The following LRIF1 variants were observed in gnomAD, a reference collection of about 807,000 sequenced individuals.
The protein encoded by LRIF1 is ligand-dependent nuclear receptor-interacting factor 1.
A neutral mutation model predicts 52.7 loss-of-function variants in LRIF1; 32 were observed. The observed-to-expected ratio is 0.61, with a 90% CI of 0.46 to 0.82. LRIF1 has a LOEUF of 0.82. LRIF1 is among the 40% of genes least tolerant of loss of function. The pLI is 0.00. For synonymous variants in LRIF1, 323 were observed against 317.4 expected, an observed-to-expected ratio of 1.02 and a Z score of -0.19; for missense variants, 887 against 892.0, an observed-to-expected ratio of 0.99 and a Z score of 0.07.
chr1:110,951,852 C>T lies in LRIF1; in HGVS notation c.1032G>A (p.Gly344=). The change falls in exon 2 of 4, where the codon GGG becomes GGA. Residue 344 remains glycine (G), a synonymous_variant. Transcript: ENST00000369763. ...TAATAGGCATATTTTTGGATCGCGT[C>T]CCACTAGGATCGATGGTACTCAATG... ...MPPLSTIDPS[G]TRSKNMPIKD... The T allele has an allele frequency of 6.2e-7, 1 of 1,613,428 alleles. No individual in the cohort carries two copies. The highest frequency in any genetic ancestry group is 8.5e-7 in the Non-Finnish European group (1 of 1,180,018).
rs1320031465 is a variant in LRIF1 at position 110,949,833 on chromosome 1, T to C, written c.1869+18A>G. 5.0e-6 allele frequency: 8 copies of C among 1,608,284 alleles called. No individual in the cohort carries two copies. In the South Asian group the frequency reaches 8.9e-5, roughly 18 times the overall value. On this transcript the variant is annotated intron_variant, in intron 3 of 3. Transcript: ENST00000369763. ...ATTTGTAGTACCTATGAAGAGCACA[T>C]TAAAATGTATTACCTACCTGTTTTC... is the stretch of plus-strand genomic sequence containing the variant.
the LRIF1 span, among the ~76,000 whole-genome samples, chr1:110,890,223 C>G: frequency 0.64 from 96,986 of 151,914 alleles, 33,083 homozygotes; most frequent in Non-Finnish European, 0.77. Flanking sequence ...GTCCTGTGCA[C>G]GGTTTTAAAA....
At chr1:110,937,881 T>C in the LRIF1 span, 1 of 151,942 alleles carries the variant, frequency 6.6e-6, no homozygotes, top group South Asian at 2.1e-4. Context: ...AAAGGAGCAT[T>C]ACAACTGATA....
At chr1:110,896,339 C>T in the LRIF1 span, among the ~76,000 whole-genome samples, 1 of 152,178 alleles carries the variant, frequency 6.6e-6, no homozygotes, top group Non-Finnish European at 1.5e-5. Context: ...TTTCTGTGAT[C>T]TTAAGATTGG....
chr1:110,913,867 A>T, the LRIF1 span, among the ~76,000 whole-genome samples: 1 of 152,204 alleles, frequency 6.6e-6, no homozygotes, highest in Non-Finnish European at 1.5e-5. Flanking sequence ...CACTATTCAC[A>T]ATAGCAAAGA....
chr1:110,949,018 A>G (rs1658336632), intron 3 of LRIF1, among the ~76,000 whole-genome samples: 1 of 152,162 alleles, frequency 6.6e-6, no homozygotes, highest in South Asian at 2.1e-4. Flanking sequence ...ACATAATGGG[A>G]AAAAAATGTA....
At position 110,947,847 on chromosome 1, in the gene LRIF1, A is replaced by G. The variant is rs1658266689; in HGVS notation, c.*112T>C. The G allele has an allele frequency of 7.1e-7, 1 of 1,415,206 alleles. No homozygotes were observed. Among genetic ancestry groups the G allele is most frequent in the Non-Finnish European group, 9.4e-7 (1 of 1,068,606 alleles). The allele number at this position is 1,415,206 out of a possible 1,614,324, so 87.7% of individuals were successfully genotyped here. Reference sequence around the variant, plus strand: ...TTAAAGTTGTACAATCGACTGATGAAAAAACAAGCTTCATATTCAAAGACA... The same window carrying G: ...TTAAAGTTGTACAATCGACTGATGAGAAAACAAGCTTCATATTCAAAGACA... On this transcript the variant is annotated 3_prime_UTR_variant, in exon 4 of 4. Transcript: ENST00000369763.
the LRIF1 span, among the ~76,000 whole-genome samples, chr1:110,917,715 T>C: frequency 6.6e-6 from 1 of 151,496 alleles, no homozygotes; most frequent in Non-Finnish European, 1.5e-5. Flanking sequence ...CTGTATAGTA[T>C]GTTATAAAGT....
chr1:110,890,595 GAGAAA>G, the LRIF1 span, among the ~76,000 whole-genome samples: 432 of 151,848 alleles, frequency 2.8e-3, 2 homozygotes, highest in African/African-American at 0.01. Context: ...GAAAGAGAAA[GAGAAA>G]GGAAAGGAAA....
At chr1:110,910,744 G>A in the LRIF1 span, among the ~76,000 whole-genome samples, 8 of 152,278 alleles carry the variant, frequency 5.3e-5, no homozygotes, top group South Asian at 1.2e-3. Flanking sequence ...ACCTGCTCCT[G>A]ATGACTTTTG....
chr1:110,923,159 G>C, the LRIF1 span, among the ~76,000 whole-genome samples: 1 of 152,124 alleles, frequency 6.6e-6, no homozygotes, highest in South Asian at 2.1e-4. Flanking sequence ...AATTAGCCGG[G>C]TGTGGTGGTG....
chr1:110,920,615 G>A, the LRIF1 span, among the ~76,000 whole-genome samples: 1 of 152,132 alleles, frequency 6.6e-6, no homozygotes, highest in Non-Finnish European at 1.5e-5. Context: ...GTAGATACGT[G>A]TCATTATAAC....
the LRIF1 span, chr1:110,894,889 C>A: frequency 8.4e-7 from 1 of 1,184,396 alleles, no homozygotes; most frequent in Non-Finnish European, 1.3e-6. Flanking sequence ...CTAACCTATA[C>A]TGGAAATTCC....
the LRIF1 span, chr1:110,899,076 A>C: frequency 6.9e-7 from 1 of 1,457,196 alleles, no homozygotes; most frequent in Non-Finnish European, 9.6e-7. Flanking sequence ...TTGTGAAAGA[A>C]ATGGCTTTTC....
the LRIF1 span, among the ~76,000 whole-genome samples, chr1:110,916,810 T>G: frequency 1.3e-5 from 2 of 151,392 alleles, no homozygotes; most frequent in East Asian, 3.9e-4. Flanking sequence ...GCAAACAGCA[T>G]TTATAGAAAT....
chr1:110,890,686 C>G, the LRIF1 span, among the ~76,000 whole-genome samples: 1 of 152,324 alleles, frequency 6.6e-6, no homozygotes, highest in East Asian at 1.9e-4. Flanking sequence ...GATGTCCTCA[C>G]TAAGAAAATG....
chr1:110,891,710 C>T, the LRIF1 span, among the ~76,000 whole-genome samples: 3 of 152,290 alleles, frequency 2.0e-5, no homozygotes, highest in East Asian at 3.9e-4. Context: ...TCTCTGAGGG[C>T]TTTAGTTTAC....
At chr1:110,910,990 A>G in the LRIF1 span, among the ~76,000 whole-genome samples, 29 of 152,322 alleles carry the variant, frequency 1.9e-4, no homozygotes, top group Admixed American at 1.6e-3. Context: ...AAAGGAAAGC[A>G]ATAACCAAAA....
chr1:110,944,895 TG>T (rs1428392972), downstream of LRIF1: 2 of 138,642 alleles, frequency 1.4e-5, no homozygotes, highest in African/African-American at 5.9e-5. Flanking sequence ...TCAAGGTTGC[TG>T]TTTTTTTTTT....
Sources: gnomAD v4.1 joint callset for allele counts (sites outside exome capture counted in the v4.1 genomes callset) on GRCh38, gnomAD v4.1.1 for gene constraint, MANE v1.5 for transcripts, NCBI Gene and HGNC (gene_info 2026-07-23, HGNC 2026-07-21) for gene names.